The following VEPH1 variants were observed in gnomAD, a reference collection of about 807,000 sequenced individuals.
VEPH1 encodes the protein ventricular zone-expressed PH domain-containing protein homolog 1.
VEPH1 carries 80 observed loss-of-function variants against 85.2 expected under a neutral mutation model. The observed-to-expected ratio is 0.94, with a 90% confidence interval of 0.78 to 1.13. The LOEUF (loss-of-function observed/expected upper bound fraction) is 1.13. VEPH1 is among the 50% of genes most tolerant of loss of function. VEPH1 has a pLI of 0.00. For synonymous variants in VEPH1, 297 were observed against 348.0 expected, an observed-to-expected ratio of 0.85 and a Z score of 1.63; for missense variants, 955 against 980.5, an observed-to-expected ratio of 0.97 and a Z score of 0.35.
At chr3:157,371,038 G>A (rs1274795795) in intron 7 of VEPH1, among the ~76,000 whole-genome samples, 1 of 152,220 alleles carries the variant, frequency 6.6e-6, no homozygotes, top group African/African-American at 2.4e-5. Flanking sequence ...TCAAGGCATG[G>A]TAAAACCCTG....
At chr3:157,268,543 ATTAAC>A (rs764294476) in intron 12 of VEPH1, among the ~76,000 whole-genome samples, 2 of 152,238 alleles carry the variant, frequency 1.3e-5, no homozygotes, top group Non-Finnish European at 2.9e-5. Flanking sequence ...GGTTTTTAAT[ATTAAC>A]TTAGAAGATT....
chr3:157,441,149 C>T (rs1446922216), intron 4 of VEPH1, among the ~76,000 whole-genome samples: 1 of 152,168 alleles, frequency 6.6e-6, no homozygotes, highest in East Asian at 1.9e-4. Context: ...CATCTGGATT[C>T]TAGCCCTCCT....
chr3:157,392,619 T>TA (rs35235896), intron 6 of VEPH1, among the ~76,000 whole-genome samples: 90,138 of 150,914 alleles, frequency 0.6, 26,977 homozygotes, highest in Admixed American at 0.65. Context: ...GCTGATGATC[T>TA]AAAAAAAAAA....
chr3:157,495,580 A>G, intron 1 of VEPH1, 74 bp from the exon 2 acceptor site: 1 of 944,182 alleles, frequency 1.1e-6, no homozygotes, highest in Non-Finnish European at 1.4e-6. Flanking sequence ...CTCAGTGTCC[A>G]GCGGAGAGAG....
chr3:157,415,593 T>C (rs1731855346), intron 5 of VEPH1, among the ~76,000 whole-genome samples: 1 of 152,080 alleles, frequency 6.6e-6, no homozygotes, highest in Non-Finnish European at 1.5e-5. Context: ...GCCACAATGG[T>C]GTTTTTTCCT....
chr3:157,472,258 T>C (rs925815081), intron 2 of VEPH1, among the ~76,000 whole-genome samples: 2 of 152,210 alleles, frequency 1.3e-5, no homozygotes, highest in Non-Finnish European at 2.9e-5. Context: ...ACACTCACCA[T>C]TTATTACTTT....
chr3:157,494,213 C>A (rs768774809), intron 2 of VEPH1, among the ~76,000 whole-genome samples: 1 of 152,148 alleles, frequency 6.6e-6, no homozygotes, highest in Non-Finnish European at 1.5e-5. Context: ...GCCAGTATAC[C>A]TTTTAAATAT....
chr3:157,448,191 A>G (rs2109286916), intron 4 of VEPH1, among the ~76,000 whole-genome samples: 1 of 152,344 alleles, frequency 6.6e-6, no homozygotes, highest in Middle Eastern at 3.4e-3. Context: ...ACACAGAGAA[A>G]AAATGAGCTG....
rs188663845 is a variant in VEPH1 at position 157,449,720 on chromosome 3, C to T, written c.529+10461G>A. Reference sequence around the variant, plus strand: ...ATCAGCTTGTCATCTTTCATGGAAACCTCTGTTGCTATTTTATCAAAATTT... The same window carrying T: ...ATCAGCTTGTCATCTTTCATGGAAATCTCTGTTGCTATTTTATCAAAATTT... On this transcript the variant is annotated intron_variant, in intron 4 of 13. Transcript: ENST00000362010. Among the ~76,000 whole-genome samples the T allele has an allele frequency of 2.4e-3, 369 of 152,202 alleles. 1 individual carries two copies. The highest frequency in any genetic ancestry group is 7.9e-3 in the African/African-American group (327 of 41,550).
intron 7 of VEPH1, among the ~76,000 whole-genome samples, chr3:157,367,765 C>T (rs1424029757): frequency 6.6e-6 from 1 of 152,178 alleles, no homozygotes; most frequent in African/African-American, 2.4e-5. Context: ...CCTATCTCAG[C>T]CTTCTGAGTA....
At chr3:157,397,942 C>A (rs1730539868) in intron 6 of VEPH1, among the ~76,000 whole-genome samples, 1 of 152,168 alleles carries the variant, frequency 6.6e-6, no homozygotes, top group African/African-American at 2.4e-5. Flanking sequence ...TCCTATAGTG[C>A]TGCAGCTGTC....
At chr3:157,450,510 C>A (rs1734887375) in intron 4 of VEPH1, among the ~76,000 whole-genome samples, 2 of 151,536 alleles carry the variant, frequency 1.3e-5, no homozygotes, top group Non-Finnish European at 2.9e-5. Flanking sequence ...ATATTGGTAT[C>A]CTCATCTCAT....
intron 9 of VEPH1, among the ~76,000 whole-genome samples, chr3:157,354,916 A>C (rs1297020141): frequency 6.6e-6 from 1 of 152,130 alleles, no homozygotes; most frequent in East Asian, 1.9e-4. Context: ...ATATGTTTTC[A>C]ATCTGACTTT....
chr3:157,438,020 A>G, intron 4 of VEPH1: 1 of 836,442 alleles, frequency 1.2e-6, no homozygotes, highest in Non-Finnish European at 1.7e-6. Flanking sequence ...TTTCATGGGA[A>G]GCGCGCGCGC....
intron 12 of VEPH1, among the ~76,000 whole-genome samples, chr3:157,272,434 TC>T: frequency 6.8e-6 from 1 of 146,974 alleles, no homozygotes; most frequent in Non-Finnish European, 1.5e-5. Flanking sequence ...TTTCTTTCTT[TC>T]TTTCCTTCTC....
chr3:157,335,845 A>G (rs1179463299), intron 9 of VEPH1, among the ~76,000 whole-genome samples: 3 of 152,298 alleles, frequency 2.0e-5, no homozygotes, highest in Non-Finnish European at 2.9e-5. Flanking sequence ...ATCTGTTACA[A>G]TCAAGCACAC....
At chr3:157,371,490 TCC>T (rs1459849665) in intron 7 of VEPH1, among the ~76,000 whole-genome samples, 1 of 152,172 alleles carries the variant, frequency 6.6e-6, no homozygotes, top group Non-Finnish European at 1.5e-5. Flanking sequence ...CAAAGTGAGA[TCC>T]CTGGACCAGC....
chr3:157,413,761 A>G (rs1320238362), intron 6 of VEPH1, 120 bp downstream of exon 6: 1 of 1,397,466 alleles, frequency 7.2e-7, no homozygotes, highest in African/African-American at 1.4e-5. Context: ...GTCAAAGAGA[A>G]ATTGGAACTC....
chr3:157,457,709 G>C (rs1054767927), intron 4 of VEPH1, among the ~76,000 whole-genome samples: 1 of 152,172 alleles, frequency 6.6e-6, no homozygotes. Context: ...GCATCCCAGG[G>C]ATAAAGCCTA....
Sources: gnomAD v4.1 joint callset for allele counts (sites outside exome capture counted in the v4.1 genomes callset) on GRCh38, gnomAD v4.1.1 for gene constraint, MANE v1.5 for transcripts, NCBI Gene and HGNC (gene_info 2026-07-23, HGNC 2026-07-21) for gene names.